RIIAD1: variants seen among roughly 807,000 people sequenced by gnomAD.
RIIAD1 encodes the protein RIIa domain-containing protein 1.
RIIAD1 carries 15 observed loss-of-function variants against 13.3 expected under a neutral mutation model. The observed-to-expected ratio is 1.13, with a 90% confidence interval of 0.76 to 1.74. RIIAD1 has a LOEUF of 1.74. Among genes scored for constraint, RIIAD1 ranks in the 40% most tolerant of loss-of-function variants. The pLI, the probability that RIIAD1 is intolerant of heterozygous loss-of-function variation, is 0.00. For missense variants in RIIAD1, 121 were observed against 112.2 expected (o/e 1.08, Z -0.35); for synonymous variants, 50 against 43.3 (o/e 1.16, Z -0.61).
chr1:151,728,970 G>T, intron 4 of RIIAD1, 77 bp downstream of exon 4: 1 of 633,816 alleles, frequency 1.6e-6, no homozygotes. Flanking sequence ...GGTCCAGGGT[G>T]TGAAAGAAAT....
upstream of RIIAD1, among the ~76,000 whole-genome samples, chr1:151,718,471 T>C (rs919826877): frequency 5.9e-5 from 9 of 152,260 alleles, no homozygotes; most frequent in African/African-American, 1.7e-4. Flanking sequence ...TGGTGAAGTC[T>C]GGCCTTTCTT....
At chr1:151,716,950 C>T (rs1673528068), upstream of RIIAD1, 2 of 348,394 alleles carry the variant, frequency 5.7e-6, no homozygotes, top group South Asian at 2.2e-5. Context: ...TCTCCATCCT[C>T]CCTGACTCCC....
chr1:151,719,761 C>A (rs1266080766), upstream of RIIAD1: 1 of 647,426 alleles, frequency 1.5e-6, no homozygotes, highest in Admixed American at 2.5e-5. Flanking sequence ...TAGCCCCTCT[C>A]ATACATGGGC....
upstream of RIIAD1, among the ~76,000 whole-genome samples, chr1:151,719,221 G>C (rs368637257): frequency 6.6e-6 from 1 of 152,042 alleles, no homozygotes; most frequent in South Asian, 2.1e-4. Context: ...GCTGAGTGAC[G>C]GTGAACACAT....
chr1:151,716,838 C>T (rs1311607057), upstream of RIIAD1: 1 of 464,962 alleles, frequency 2.2e-6, no homozygotes, highest in South Asian at 1.6e-5. Context: ...ACTCCCACCT[C>T]CTTTCCCCTG....
upstream of RIIAD1, among the ~76,000 whole-genome samples, chr1:151,718,058 C>T (rs1461091738): frequency 1.3e-5 from 2 of 152,136 alleles, no homozygotes; most frequent in African/African-American, 4.8e-5. Flanking sequence ...CCCTTCTTCT[C>T]CCCCGGGGTA....
At chr1:151,728,484 G>T (rs1275031248) in intron 3 of RIIAD1, 5 of 177,110 alleles carry the variant, frequency 2.8e-5, no homozygotes, top group Non-Finnish European at 4.8e-5. Context: ...GGGTAGGTGG[G>T]GGGTGGGGGG....
rs1487033163 is a variant in RIIAD1 at position 151,722,038 on chromosome 1, C to A, written c.85-48C>A. 9.6e-5 allele frequency: 130 copies of A among 1,352,088 alleles called. 1 individual carries two copies. The East Asian group carries it at 2.9e-3, about 30-fold the overall frequency. The allele number at this position is 1,352,088 out of a possible 1,614,324, so 83.8% of individuals were successfully genotyped here. A position where few individuals can be genotyped will look rare whatever the true frequency, so the allele number is the denominator to read the frequency against. ...GCCCTTCACATCTCCAGGGCTGAACCCTGAATCTGTCTCCTAATGGAAGTG... is the reference window on the plus strand; with the variant it reads ...GCCCTTCACATCTCCAGGGCTGAACACTGAATCTGTCTCCTAATGGAAGTG... On this transcript the variant is annotated intron_variant, in intron 1 of 4. Coordinates refer to ENST00000479191, the MANE Select transcript of RIIAD1 (RefSeq NM_001144956.3).
upstream of RIIAD1, among the ~76,000 whole-genome samples, chr1:151,718,389 C>T (rs1413136238): frequency 1.3e-5 from 2 of 152,210 alleles, no homozygotes; most frequent in Non-Finnish European, 2.9e-5. Flanking sequence ...GAGACTGGAG[C>T]CTGGGCAGTC....
chr1:151,714,821 AG>A, intron 4 of RIIAD1: 1 of 645,726 alleles, frequency 1.5e-6, no homozygotes, highest in Non-Finnish European at 2.7e-6. Context: ...GGTGTCTCCA[AG>A]GGGTAGACTC....
rs71759600 is a variant in RIIAD1, at chr1:151,725,107, C to CTTTT, written c.162-2451_162-2448dup. Among the ~76,000 whole-genome samples the CTTTT allele has an allele frequency of 5.8e-3, 489 of 84,634 alleles. 14 individuals carry two copies. The highest frequency in any genetic ancestry group is 9.2e-3 in the South Asian group (21 of 2,294). 55.5% of individuals were successfully genotyped at this position (84,634 alleles called of 152,430 possible). ...ACAGGCATGAGCCACCGCACCTCGC[C>CTTTT]TTTTTTTTTTTTTTTTTTTTGGAGA... On this transcript the variant is annotated intron_variant, in intron 2 of 4. Transcript: ENST00000479191.
chr1:151,721,451 C>A, upstream of RIIAD1: 2 of 802,266 alleles, frequency 2.5e-6, no homozygotes, highest in South Asian at 3.7e-5. Flanking sequence ...CCCTGCTTCG[C>A]TGAAGGGGCC....
intron 2 of RIIAD1, 50 bp downstream of exon 2, chr1:151,722,212 G>A (rs1057448229): frequency 1.8e-6 from 2 of 1,113,080 alleles, no homozygotes; most frequent in Non-Finnish European, 2.7e-6. Flanking sequence ...GGTTTTCTTC[G>A]TTATCTCTAG....
At chr1:151,716,933 C>A, upstream of RIIAD1, 1 of 363,242 alleles carries the variant, frequency 2.8e-6, no homozygotes, top group South Asian at 2.0e-5. Flanking sequence ...GCCACGCCCT[C>A]TTTCTATCTC....
Position 151,722,080 on chromosome 1 carries a change from C to G in RIIAD1, c.85-6C>G, listed in dbSNP as rs1284040149. The G allele has an allele frequency of 3.2e-6, 5 of 1,547,408 alleles. No individual in the cohort carries two copies. Among genetic ancestry groups the G allele is most frequent in the Non-Finnish European group, 4.4e-6 (5 of 1,143,338 alleles). ...ATGGAAGTGACCCTTTGTTCTTGCC[C>G]CCCAGATTCAGACTCGGATTGCTAA... On this transcript the variant is annotated splice_polypyrimidine_tract_variant and splice_region_variant and intron_variant, in intron 1 of 4. Coordinates refer to ENST00000479191, the MANE Select transcript of RIIAD1 (RefSeq NM_001144956.3).
intron 4 of RIIAD1, chr1:151,715,760 G>A: frequency 6.3e-7 from 1 of 1,596,854 alleles, no homozygotes; most frequent in Non-Finnish European, 8.5e-7. Context: ...CCTCAGGCCT[G>A]AACTCTTCTC....
chr1:151,727,606 C>G lies in RIIAD1; in HGVS notation c.193C>G (p.Leu65Val), dbSNP rs145510399. The change falls in exon 3 of 5, where the codon CTA becomes GTA. Residue 65 changes from leucine to valine, a missense_variant. Coordinates refer to ENST00000479191, the MANE Select transcript of RIIAD1 (RefSeq NM_001144956.3). ...EIFLKRPDNI[L>V]EFAADYFTDP... The stretch of plus-strand genomic sequence containing the variant: ...ATTTTTGAAAAGACCAGACAACATC[C>G]TAGAATTTGCTGCAGGTGAGTAAGG... 1.3e-6 allele frequency: 2 copies of G among 1,550,086 alleles called. No individual in the cohort carries two copies. Among genetic ancestry groups the G allele is most frequent in the East Asian group, 4.9e-5 (2 of 40,904 alleles).
At chr1:151,728,599 A>G (rs1050506557) in intron 3 of RIIAD1, 167 bp from the exon 4 acceptor site, 5 of 603,056 alleles carry the variant, frequency 8.3e-6, no homozygotes, top group Non-Finnish European at 1.5e-5. Context: ...GGGTGGGGGC[A>G]GTGACCGTTC....
chr1:151,727,096 C>T (rs1358669995), intron 2 of RIIAD1, among the ~76,000 whole-genome samples: 1 of 152,128 alleles, frequency 6.6e-6, no homozygotes, highest in African/African-American at 2.4e-5. Context: ...AGAAACCAGC[C>T]TGGGCCACAT....
Sources: gnomAD v4.1 joint callset for allele counts (sites outside exome capture counted in the v4.1 genomes callset) on GRCh38, gnomAD v4.1.1 for gene constraint, MANE v1.5 for transcripts, NCBI Gene and HGNC (gene_info 2026-07-23, HGNC 2026-07-21) for gene names.